Variants in ANK2 observed in about 807,000 individuals in gnomAD.
The protein encoded by ANK2 is ankyrin 2, also known as ankyrin-2.
In ANK2, 83 loss-of-function variants were observed where a neutral mutation model predicts 360.5. That is an observed-to-expected ratio of 0.23 (90% CI 0.19 to 0.28). The LOEUF (loss-of-function observed/expected upper bound fraction) is 0.28. Ranked by LOEUF, ANK2 falls within the 10% of genes least tolerant of loss-of-function variation. ANK2 has a pLI of 1.00. For missense variants in ANK2, 4,201 were observed against 4,795.7 expected, an observed-to-expected ratio of 0.88 and a Z score of 3.66; for synonymous variants, 1,740 against 1,759.5, an observed-to-expected ratio of 0.99 and a Z score of 0.28.
At chr4:113,193,687 C>A (rs2098706297) in intron 2 of ANK2, among the ~76,000 whole-genome samples, 1 of 152,092 alleles carries the variant, frequency 6.6e-6, no homozygotes, top group Non-Finnish European at 1.5e-5. Context: ...GAGTTCTTGG[C>A]TTGGGGGAAT....
intron 1 of ANK2, among the ~76,000 whole-genome samples, chr4:112,887,127 G>C (rs7654188): frequency 0.084 from 12,814 of 152,064 alleles, 706 homozygotes; most frequent in Non-Finnish European, 0.13. Flanking sequence ...TTATATTATA[G>C]TCATCTGCGT....
intron 2 of ANK2, among the ~76,000 whole-genome samples, chr4:113,184,426 C>T (rs920562599): frequency 1.3e-5 from 2 of 151,950 alleles, no homozygotes; most frequent in African/African-American, 4.8e-5. Context: ...GAGGGAATCT[C>T]TCCAGGAGTC....
intron 37 of ANK2, among the ~76,000 whole-genome samples, chr4:113,352,389 C>T (rs2095468991): frequency 6.6e-6 from 1 of 152,180 alleles, no homozygotes; most frequent in African/African-American, 2.4e-5. Flanking sequence ...CCTCGTAGCA[C>T]CAGACTGTTT....
upstream of ANK2, among the ~76,000 whole-genome samples, chr4:112,815,773 G>A (rs2055582450): frequency 6.6e-6 from 1 of 152,228 alleles, no homozygotes; most frequent in African/African-American, 2.4e-5. Context: ...GATTCAGAGA[G>A]CTTCCAAGTT....
intron 2 of ANK2, among the ~76,000 whole-genome samples, chr4:112,953,646 A>C (rs1037691021): frequency 1.8e-4 from 28 of 152,256 alleles, no homozygotes; most frequent in African/African-American, 6.3e-4. Context: ...TTTCCATTTA[A>C]GGAAATTAAA....
At chr4:112,832,437 G>A (rs1463523349) in intron 1 of ANK2, among the ~76,000 whole-genome samples, 1 of 152,122 alleles carries the variant, frequency 6.6e-6, no homozygotes, top group East Asian at 1.9e-4. Flanking sequence ...AATAGATTTT[G>A]CATCATTTTA....
At chr4:113,263,758 G>A (rs1169276756) in intron 13 of ANK2, among the ~76,000 whole-genome samples, 1 of 152,132 alleles carries the variant, frequency 6.6e-6, no homozygotes, top group Non-Finnish European at 1.5e-5. Flanking sequence ...GAACAGTTGT[G>A]GTAAATCAAT....
the ANK2 span, among the ~76,000 whole-genome samples, chr4:112,781,593 G>C: frequency 6.6e-6 from 1 of 151,816 alleles, no homozygotes; most frequent in Non-Finnish European, 1.5e-5. Flanking sequence ...GTAAAGCATG[G>C]CCTTATTTGC....
chr4:112,931,724 TC>T (rs1448080651), intron 2 of ANK2, among the ~76,000 whole-genome samples: 11 of 152,166 alleles, frequency 7.2e-5, no homozygotes, highest in Non-Finnish European at 1.6e-4. Flanking sequence ...TGTAGGTTGG[TC>T]TTGATGTTTG....
chr4:113,132,355 G>A (rs1213075455), intron 1 of ANK2, among the ~76,000 whole-genome samples: 1 of 152,088 alleles, frequency 6.6e-6, no homozygotes, highest in Admixed American at 6.6e-5. Flanking sequence ...ACATATTGAA[G>A]TTACAGTATT....
At chr4:112,965,676 C>G (rs1209913226) in intron 2 of ANK2, among the ~76,000 whole-genome samples, 18 of 152,116 alleles carry the variant, frequency 1.2e-4, no homozygotes, top group Admixed American at 1.1e-3. Flanking sequence ...AAGTTTCATT[C>G]TTCTGCATAT....
At position 113,059,049 on chromosome 4, in the gene ANK2, C is replaced by T. The variant is rs147362341; in HGVS notation, c.84+9237C>T. On this transcript the variant is annotated intron_variant, in intron 1 of 45. Transcript: ENST00000357077. Reference sequence around the variant, plus strand: ...CCTTCACATGGTGGAAAAGGCAAGACAGCCTTCTGGGGCGTCTTTTATATG... The same window carrying T: ...CCTTCACATGGTGGAAAAGGCAAGATAGCCTTCTGGGGCGTCTTTTATATG... Among the ~76,000 whole-genome samples, 398 of 152,272 alleles carry T rather than the reference C, an allele frequency of 2.6e-3. 9 individuals are homozygous for T. In the South Asian group the frequency reaches 0.049, roughly 19 times the overall value.
chr4:112,882,013 C>T, intron 1 of ANK2: 1 of 517,480 alleles, frequency 1.9e-6, no homozygotes, highest in East Asian at 3.4e-5. Flanking sequence ...TGCATGTCTA[C>T]TTACCACACA....
At chr4:113,309,880 T>C (rs1354799591) in intron 23 of ANK2, among the ~76,000 whole-genome samples, 1 of 152,186 alleles carries the variant, frequency 6.6e-6, no homozygotes, top group Non-Finnish European at 1.5e-5. Context: ...TATATTTGAT[T>C]AAAAATATAT....
At chr4:113,232,065 G>A in intron 4 of ANK2, 96 bp from the exon 5 acceptor site, 2 of 850,554 alleles carry the variant, frequency 2.4e-6, no homozygotes, top group South Asian at 1.4e-5. Flanking sequence ...CAGTATGAAA[G>A]TATTTTACCT....
intron 23 of ANK2, among the ~76,000 whole-genome samples, 170 bp downstream of exon 23, chr4:113,303,009 C>T (rs112278584): frequency 2.0e-5 from 3 of 151,946 alleles, no homozygotes; most frequent in Non-Finnish European, 2.9e-5. Context: ...CAGCGGGGGC[C>T]GGGGGCAGTT....
intron 2 of ANK2, among the ~76,000 whole-genome samples, chr4:112,938,183 C>A (rs1029569204): frequency 6.6e-6 from 1 of 152,142 alleles, no homozygotes; most frequent in African/African-American, 2.4e-5. Flanking sequence ...CTTTATAAGA[C>A]CCTCTCAGGT....
intron 1 of ANK2, chr4:113,117,419 G>T (rs764450041): frequency 8.8e-6 from 4 of 456,192 alleles, no homozygotes; most frequent in South Asian, 6.2e-5. Context: ...AAAAAGAAAG[G>T]TATGAGGAGC....
rs1013282614 is a variant in ANK2, at chr4:113,137,914, G to C, written c.85-36502G>C. ...ATAAGACCACATTAACATAATTTTC[G>C]AAGAATGAAATAACAGCATTGACTT... On this transcript the variant is annotated intron_variant, in intron 1 of 45. Coordinates refer to ENST00000357077, the MANE Select transcript of ANK2 (RefSeq NM_001148.6). 2.6e-5 allele frequency among the ~76,000 whole-genome samples: 4 copies of C among 152,248 alleles called. No individual in the cohort carries two copies. In the East Asian group the frequency reaches 7.7e-4, roughly 29 times the overall value.
Sources: allele counts gnomAD v4.1 joint callset (sites outside exome capture counted in the v4.1 genomes callset), GRCh38; gene constraint gnomAD v4.1.1; transcripts MANE v1.5; gene names NCBI Gene and HGNC (gene_info 2026-07-23, HGNC 2026-07-21).